The following AP4E1 variants were observed in gnomAD, a reference collection of about 807,000 sequenced individuals.
AP4E1 encodes the protein adaptor related protein complex 4 subunit epsilon 1.
Under a neutral mutation model 128.2 loss-of-function variants are expected in AP4E1, and 56 were observed. The observed-to-expected ratio is 0.44, with a 90% CI of 0.35 to 0.55. AP4E1 has a LOEUF of 0.55. Among genes scored for constraint, AP4E1 ranks in the 20% least tolerant of loss-of-function variants. The pLI is 0.00. For synonymous variants in AP4E1, 484 were observed against 473.1 expected (o/e 1.02, Z -0.30); for missense variants, 1,324 against 1,307.7 (o/e 1.01, Z -0.19).
intron 14 of AP4E1, among the ~76,000 whole-genome samples, chr15:50,965,774 A>G (rs1407801045): frequency 1.3e-5 from 2 of 152,174 alleles, no homozygotes; most frequent in African/African-American, 4.8e-5. Flanking sequence ...TCTACTTGTT[A>G]AAGTCTTCAC....
At chr15:50,993,101 A>C (rs2064825208) in intron 16 of AP4E1, among the ~76,000 whole-genome samples, 1 of 152,226 alleles carries the variant, frequency 6.6e-6, no homozygotes, top group South Asian at 2.1e-4. Flanking sequence ...TAACTTAAGC[A>C]GTTAAGTGAA....
intron 1 of AP4E1, 122 bp downstream of exon 1, chr15:50,909,050 C>A (rs546131965): frequency 1.2e-5 from 17 of 1,457,222 alleles, no homozygotes; most frequent in Non-Finnish European, 1.5e-5. Flanking sequence ...GGCTCAGGGG[C>A]TGCTGTGTCG....
Position 50,997,369 on chromosome 15 carries a change from CAA to C in AP4E1, c.2393_2394del (p.Lys798SerfsTer5). 6.2e-7 allele frequency: 1 copy of C among 1,603,128 alleles called. No homozygotes were observed. The highest frequency in any genetic ancestry group is 1.3e-5 in the African/African-American group (1 of 74,242). ...GTCTCTCACAAGTTCAGAAGGAAAT[CAA>C]AAGTCAAAGAAGCTAAAAGTGGCGA... On this transcript the variant is annotated frameshift_variant, in exon 18 of 21. Coordinates refer to ENST00000261842, the MANE Select transcript of AP4E1 (RefSeq NM_007347.5). LOFTEE classifies it high-confidence loss of function.
At chr15:50,953,492 A>T (rs1271497182) in intron 13 of AP4E1, among the ~76,000 whole-genome samples, 1 of 152,212 alleles carries the variant, frequency 6.6e-6, no homozygotes, top group Non-Finnish European at 1.5e-5. Flanking sequence ...ATCCTGCTTC[A>T]TCCTGCTCTG....
At chr15:50,933,579 G>C (rs2063864094) in intron 7 of AP4E1, among the ~76,000 whole-genome samples, 1 of 151,846 alleles carries the variant, frequency 6.6e-6, no homozygotes, top group African/African-American at 2.4e-5. Flanking sequence ...AATTTTTTTT[G>C]GGGGGCAGGG....
intron 1 of AP4E1, among the ~76,000 whole-genome samples, 200 bp downstream of exon 1, chr15:50,909,128 CCA>C (rs1466567995): frequency 3.3e-5 from 5 of 152,376 alleles, no homozygotes; most frequent in Admixed American, 1.3e-4. Flanking sequence ...AGCCGAGTTT[CCA>C]CAGTTAGTTC....
chr15:50,933,146 T>A (rs2063856933), intron 7 of AP4E1, among the ~76,000 whole-genome samples: 1 of 152,194 alleles, frequency 6.6e-6, no homozygotes, highest in African/African-American at 2.4e-5. Flanking sequence ...GTCCTTACCT[T>A]CACAGCACTC....
At chr15:50,969,799 C>A (rs2064453392) in intron 15 of AP4E1, among the ~76,000 whole-genome samples, 1 of 151,820 alleles carries the variant, frequency 6.6e-6, no homozygotes, top group African/African-American at 2.4e-5. Flanking sequence ...GCTGGGACTA[C>A]AAGCGCCGGC....
chr15:51,002,849 C>A lies in AP4E1; in HGVS notation c.*187C>A. 1 of 688,298 alleles carries A rather than the reference C, an allele frequency of 1.5e-6. No homozygotes were observed. Among genetic ancestry groups the A allele is most frequent in the Non-Finnish European group, 2.4e-6 (1 of 414,732 alleles). The allele number at this position is 688,298 out of a possible 1,614,324, so 42.6% of individuals were successfully genotyped here. A position where few individuals can be genotyped will look rare whatever the true frequency, so the allele number is the denominator to read the frequency against. On this transcript the variant is annotated 3_prime_UTR_variant, in exon 21 of 21. Coordinates refer to ENST00000261842, the MANE Select transcript of AP4E1 (RefSeq NM_007347.5). ...AAAACTGTATCCCTAACCTTTAACT[C>A]AGGATTGTACAGTATGTTTAGGTCC...
intron 15 of AP4E1, among the ~76,000 whole-genome samples, chr15:50,976,180 A>G (rs1472568868): frequency 6.6e-6 from 1 of 152,190 alleles, no homozygotes; most frequent in Non-Finnish European, 1.5e-5. Flanking sequence ...AGGATCATAC[A>G]CCATGATCAA....
At chr15:50,971,437 G>A (rs1047262547) in intron 15 of AP4E1, among the ~76,000 whole-genome samples, 6 of 152,072 alleles carry the variant, frequency 3.9e-5, no homozygotes, top group African/African-American at 1.4e-4. Flanking sequence ...CCTGCTTGGG[G>A]TTGAATCTGT....
intron 1 of AP4E1, among the ~76,000 whole-genome samples, chr15:50,910,127 T>C (rs1355424209): frequency 2.0e-5 from 3 of 152,168 alleles, no homozygotes; most frequent in Non-Finnish European, 4.4e-5. Flanking sequence ...GCTGGGATTA[T>C]AGGCGTATGC....
chr15:50,988,225 T>G (rs971734795), intron 16 of AP4E1, among the ~76,000 whole-genome samples: 1 of 152,226 alleles, frequency 6.6e-6, no homozygotes. Flanking sequence ...GAAAATATCG[T>G]AAGTCAGAAG....
intron 2 of AP4E1, 23 bp downstream of exon 2, chr15:50,912,172 A>G (rs1294466285): frequency 1.3e-6 from 2 of 1,584,786 alleles, no homozygotes. Flanking sequence ...AGTCAGTGCC[A>G]ACACATTTGA....
intron 17 of AP4E1, among the ~76,000 whole-genome samples, chr15:50,996,956 T>C (rs1170049927): frequency 1.3e-5 from 2 of 152,232 alleles, no homozygotes; most frequent in Non-Finnish European, 2.9e-5. Flanking sequence ...CTTAGGCTTA[T>C]ACAGAACAAC....
At chr15:50,935,979 A>G (rs1264004314) in intron 8 of AP4E1, among the ~76,000 whole-genome samples, 1 of 152,214 alleles carries the variant, frequency 6.6e-6, no homozygotes, top group Non-Finnish European at 1.5e-5. Flanking sequence ...GCATTTATAG[A>G]GTGCCTGTGA....
intron 2 of AP4E1, among the ~76,000 whole-genome samples, chr15:50,913,202 C>T (rs2063585051): frequency 1.3e-5 from 2 of 152,098 alleles, no homozygotes. Flanking sequence ...GCAAATAAAA[C>T]TGAAAACATA....
At chr15:50,991,120 T>C (rs2064800686) in intron 16 of AP4E1, among the ~76,000 whole-genome samples, 1 of 152,132 alleles carries the variant, frequency 6.6e-6, no homozygotes, top group Non-Finnish European at 1.5e-5. Context: ...TAGGCTGCCT[T>C]GGAAGGGGTG....
chr15:50,921,449 A>T (rs1201612592), intron 3 of AP4E1, among the ~76,000 whole-genome samples: 2 of 151,926 alleles, frequency 1.3e-5, no homozygotes, highest in African/African-American at 4.8e-5. Context: ...CCTGGGTTCA[A>T]ACGATTCTTA....
Sources: allele counts gnomAD v4.1 joint callset (sites outside exome capture counted in the v4.1 genomes callset), GRCh38; gene constraint gnomAD v4.1.1; transcripts MANE v1.5; gene names NCBI Gene and HGNC (gene_info 2026-07-23, HGNC 2026-07-21).